CORIN: variants seen among roughly 807,000 people sequenced by gnomAD.
CORIN encodes the protein atrial natriuretic peptide-converting enzyme.
CORIN carries 117 observed loss-of-function variants against 125.3 expected under a neutral mutation model. The observed-to-expected ratio is 0.93, with a 90% CI of 0.80 to 1.09. The LOEUF is 1.09. Ranked by LOEUF, CORIN falls within the 50% of genes least tolerant of loss-of-function variation. CORIN has a pLI of 0.00. For synonymous variants in CORIN, 450 were observed against 466.4 expected (o/e 0.96, Z 0.45); for missense variants, 1,253 against 1,306.7 (o/e 0.96, Z 0.63).
At chr4:47,652,507 T>C (rs1723777946) in intron 13 of CORIN, among the ~76,000 whole-genome samples, 1 of 152,186 alleles carries the variant, frequency 6.6e-6, no homozygotes, top group Non-Finnish European at 1.5e-5. Context: ...ACCAAACAAT[T>C]CTGTGGATAG....
intron 1 of CORIN, among the ~76,000 whole-genome samples, chr4:47,817,629 T>A (rs1418751269): frequency 6.6e-6 from 1 of 152,204 alleles, no homozygotes; most frequent in Non-Finnish European, 1.5e-5. Context: ...AAGAAGTAGA[T>A]GTGAGCTTCT....
At chr4:47,692,832 C>T in intron 6 of CORIN, 138 bp downstream of exon 6, 1 of 677,054 alleles carries the variant, frequency 1.5e-6, no homozygotes, top group Non-Finnish European at 2.6e-6. Flanking sequence ...AAACATGCTG[C>T]TGTCATTCTG....
At chr4:47,763,327 C>T in intron 4 of CORIN, 52 bp downstream of exon 4, 1 of 1,443,640 alleles carries the variant, frequency 6.9e-7, no homozygotes, top group Non-Finnish European at 9.6e-7. Context: ...TCTCCTAGGA[C>T]ACTTCTGCTA....
At chr4:47,779,750 G>A (rs1257992096) in intron 3 of CORIN, among the ~76,000 whole-genome samples, 1 of 151,984 alleles carries the variant, frequency 6.6e-6, no homozygotes, top group African/African-American at 2.4e-5. Context: ...GTATATTCTT[G>A]TAGAGCTCAT....
chr4:47,775,392 C>T (rs1001732828), intron 3 of CORIN, among the ~76,000 whole-genome samples: 4 of 152,056 alleles, frequency 2.6e-5, no homozygotes, highest in African/African-American at 7.2e-5. Context: ...CGACGGGCCC[C>T]CGTGTGTGAT....
At chr4:47,621,548 T>C (rs142277889) in intron 19 of CORIN, among the ~76,000 whole-genome samples, 32 of 152,340 alleles carry the variant, frequency 2.1e-4, no homozygotes, top group Non-Finnish European at 4.4e-4. Flanking sequence ...GTTTTGTTTG[T>C]TTTGTTTTGC....
At chr4:47,610,488 T>C (rs536626131) in intron 19 of CORIN, among the ~76,000 whole-genome samples, 76 of 152,290 alleles carry the variant, frequency 5.0e-4, no homozygotes, top group African/African-American at 1.8e-3. Flanking sequence ...TTATAGACTC[T>C]AGATACTAAA....
chr4:47,806,899 C>T lies in CORIN; in HGVS notation c.208+4G>A. The T allele has an allele frequency of 6.2e-7, 1 of 1,609,444 alleles. No homozygotes were observed. Among genetic ancestry groups the T allele is most frequent in the Non-Finnish European group, 8.5e-7 (1 of 1,178,392 alleles). ...CATTTTTATTTAATAATGGCCTCACCCACCAACATAGGAAAGCAGGATCAC... is the reference window on the plus strand; with the variant it reads ...CATTTTTATTTAATAATGGCCTCACTCACCAACATAGGAAAGCAGGATCAC... On this transcript the variant is annotated splice_donor_region_variant and intron_variant, in intron 2 of 21. Transcript: ENST00000273857.
chr4:47,816,844 G>A (rs376722462), intron 1 of CORIN, among the ~76,000 whole-genome samples: 225 of 144,796 alleles, frequency 1.6e-3, no homozygotes, highest in African/African-American at 5.4e-3. Context: ...ACACACACAC[G>A]TGCACACACA....
chr4:47,596,760 T>G (rs1721266820), intron 21 of CORIN, among the ~76,000 whole-genome samples: 1 of 152,212 alleles, frequency 6.6e-6, no homozygotes, highest in Non-Finnish European at 1.5e-5. Context: ...ACTTTCAAAA[T>G]TAGAAGCATA....
chr4:47,661,891 G>T, intron 11 of CORIN, 35 bp from the exon 12 acceptor site: 2 of 1,557,606 alleles, frequency 1.3e-6, no homozygotes. Flanking sequence ...ATTAGAAGCA[G>T]AAATAGCTCC....
intron 5 of CORIN, among the ~76,000 whole-genome samples, chr4:47,718,463 A>G (rs1727201300): frequency 6.6e-6 from 1 of 152,248 alleles, no homozygotes; most frequent in South Asian, 2.1e-4. Flanking sequence ...GAGACAGGGT[A>G]TGTAAACCAC....
intron 5 of CORIN, among the ~76,000 whole-genome samples, chr4:47,709,551 C>G (rs1246584134): frequency 6.6e-6 from 1 of 152,056 alleles, no homozygotes; most frequent in Non-Finnish European, 1.5e-5. Context: ...CTCGGCCTCT[C>G]AAAGTACTAG....
At chr4:47,616,641 C>G (rs1480777306) in intron 19 of CORIN, among the ~76,000 whole-genome samples, 1 of 152,120 alleles carries the variant, frequency 6.6e-6, no homozygotes, top group Non-Finnish European at 1.5e-5. Context: ...GAGATTTTAA[C>G]AAGCGTCACT....
chr4:47,687,062 A>T (rs530901831), intron 6 of CORIN, among the ~76,000 whole-genome samples: 7 of 152,300 alleles, frequency 4.6e-5, no homozygotes, highest in East Asian at 1.9e-4. Context: ...GGCATTTTTT[A>T]AAAATCCTCA....
chr4:47,717,293 C>A (rs1045630869), intron 5 of CORIN, among the ~76,000 whole-genome samples: 4 of 152,118 alleles, frequency 2.6e-5, no homozygotes, highest in African/African-American at 9.7e-5. Flanking sequence ...TTTCTCTCAC[C>A]CACAGCTTTG....
In CORIN at chr4:47,757,878, G is replaced by GTGTATA. The variant is rs754526773; in HGVS notation, c.617+5500_617+5501insTATACA. On this transcript the variant is annotated intron_variant, in intron 4 of 21. Transcript: ENST00000273857. The stretch of plus-strand genomic sequence containing the variant: ...TACACATATATATACATATATATAT[G>GTGTATA]TATATATATATATATATATATATAT... 3.1e-4 allele frequency among the ~76,000 whole-genome samples: 38 copies of GTGTATA among 123,914 alleles called. 1 individual carries two copies. Among genetic ancestry groups the GTGTATA allele is most frequent in the African/African-American group, 4.6e-4 (14 of 30,568 alleles). The allele number at this position is 123,914 out of a possible 152,430, so 81.3% of individuals were successfully genotyped here.
intron 11 of CORIN, 25 bp downstream of exon 11, chr4:47,665,007 A>T (rs769181585): frequency 6.6e-7 from 1 of 1,515,358 alleles, no homozygotes; most frequent in Non-Finnish European, 9.2e-7. Context: ...AAAATAAGGG[A>T]CTGGGGTAGA....
Position 47,665,079 on chromosome 4 carries a change from C to T in CORIN, c.1542G>A (p.Leu514=). 1 of 1,613,506 alleles carries T rather than the reference C, an allele frequency of 6.2e-7. No individual in the cohort carries two copies. The highest frequency in any genetic ancestry group is 1.7e-4 in the Middle Eastern group (1 of 6,058). The change falls in exon 11 of 22, where the codon TTG becomes TTA. Residue 514 remains leucine, a synonymous_variant. Transcript: ENST00000273857. ...CTGTATTCACATCACATTTTGGTACCAAAATGGTGCAAGAAAAGAACATGA... is the reference window on the plus strand; with the variant it reads ...CTGTATTCACATCACATTTTGGTACTAAAATGGTGCAAGAAAAGAACATGA... The part of the protein sequence containing the change: ...KYLMFFSCTI[L]VPKCDVNTGE...
Sources: allele counts gnomAD v4.1 joint callset (sites outside exome capture counted in the v4.1 genomes callset), GRCh38; gene constraint gnomAD v4.1.1; transcripts MANE v1.5; gene names NCBI Gene and HGNC (gene_info 2026-07-23, HGNC 2026-07-21).